The following USP37 variants were observed in gnomAD, a reference collection of about 807,000 sequenced individuals.
USP37 encodes the protein ubiquitin specific peptidase 37.
USP37 carries 27 observed loss-of-function variants against 124.0 expected under a neutral mutation model. That is an observed-to-expected ratio of 0.22 (90% CI 0.16 to 0.30). The LOEUF (loss-of-function observed/expected upper bound fraction) is 0.30. USP37 is among the 10% of genes least tolerant of loss of function. USP37 has a pLI of 1.00. For missense variants in USP37, 889 were observed against 1,140.4 expected, an observed-to-expected ratio of 0.78 and a Z score of 3.17; for synonymous variants, 365 against 388.0, an observed-to-expected ratio of 0.94 and a Z score of 0.70.
At chr2:218,565,663 T>C (rs1693554528) in intron 1 of USP37, among the ~76,000 whole-genome samples, 1 of 152,214 alleles carries the variant, frequency 6.6e-6, no homozygotes, top group Non-Finnish European at 1.5e-5. Context: ...CCAGCTTATT[T>C]AACAAATTAT....
Position 218,475,920 on chromosome 2 carries a change from C to T in USP37, c.2043+920G>A, listed in dbSNP as rs1433962421. ...CAGCCTGGGCAACAGAGTGAGACTC[C>T]GTCTCAAAAAAAAAAAAAGATTATG... On this transcript the variant is annotated intron_variant, in intron 19 of 25. Coordinates refer to ENST00000258399, the MANE Select transcript of USP37 (RefSeq NM_020935.3). Among the ~76,000 whole-genome samples the T allele has an allele frequency of 7.3e-5, 7 of 95,388 alleles. No homozygotes were observed. In the East Asian group the frequency reaches 1.7e-3, roughly 23 times the overall value. The allele number at this position is 95,388 out of a possible 152,430, so 62.6% of individuals were successfully genotyped here.
chr2:218,493,018 A>T (rs951356990), intron 14 of USP37, among the ~76,000 whole-genome samples: 68 of 151,660 alleles, frequency 4.5e-4, no homozygotes, highest in African/African-American at 8.2e-4. Flanking sequence ...AAAAAAAAAA[A>T]ATTTTTTTCC....
In USP37 at chr2:218,564,390, A is replaced by G. The variant is rs560954403; in HGVS notation, c.-229-1577T>C. 7.8e-4 allele frequency among the ~76,000 whole-genome samples: 119 copies of G among 152,348 alleles called. No individual in the cohort carries two copies. The Middle Eastern group carries it at 0.01, about 13-fold the overall frequency. On this transcript the variant is annotated intron_variant, in intron 1 of 25. Transcript: ENST00000258399. The stretch of plus-strand genomic sequence containing the variant: ...CACAGATGAGGAAACTGAGGTTTAG[A>G]GACATTACATAATTTATAAATACAG...
At chr2:218,501,623 T>A (rs1486356522) in intron 11 of USP37, among the ~76,000 whole-genome samples, 1 of 152,214 alleles carries the variant, frequency 6.6e-6, no homozygotes, top group Admixed American at 6.5e-5. Flanking sequence ...AGATTTTCTG[T>A]CTGGAGGCAA....
Position 218,565,066 on chromosome 2 carries a change from C to T in USP37, c.-229-2253G>A, listed in dbSNP as rs144210409. Among the ~76,000 whole-genome samples the T allele has an allele frequency of 4.8e-4, 73 of 152,256 alleles. 1 individual carries two copies. The East Asian group carries it at 0.012, about 25-fold the overall frequency. ...CCTCCCAAGTAGCTAGGACTACAGG[C>T]ACATGCCACCAAACCCGGCTAATTT... On this transcript the variant is annotated intron_variant, in intron 1 of 25. Coordinates refer to ENST00000258399, the MANE Select transcript of USP37 (RefSeq NM_020935.3).
chr2:218,554,836 A>G (rs1692874281), intron 4 of USP37, among the ~76,000 whole-genome samples: 1 of 152,220 alleles, frequency 6.6e-6, no homozygotes, highest in Non-Finnish European at 1.5e-5. Flanking sequence ...GGTAGTTTCA[A>G]TATAAAAGAT....
chr2:218,483,026 T>C (rs953533853), intron 16 of USP37, among the ~76,000 whole-genome samples: 1 of 152,172 alleles, frequency 6.6e-6, no homozygotes, highest in Non-Finnish European at 1.5e-5. Flanking sequence ...AACTGATTCT[T>C]ACCATATATG....
At chr2:218,533,651 A>G (rs940379603) in intron 9 of USP37, among the ~76,000 whole-genome samples, 1 of 152,226 alleles carries the variant, frequency 6.6e-6, no homozygotes, top group Non-Finnish European at 1.5e-5. Context: ...TAAGACTTAC[A>G]TGTGATATTT....
At chr2:218,493,280 A>G (rs2105985843) in intron 14 of USP37, among the ~76,000 whole-genome samples, 2 of 152,284 alleles carry the variant, frequency 1.3e-5, no homozygotes, top group South Asian at 4.1e-4. Context: ...TAATGAAGCA[A>G]CAGAACCCTA....
intron 3 of USP37, among the ~76,000 whole-genome samples, chr2:218,559,771 G>C (rs1693216461): frequency 6.6e-6 from 1 of 152,142 alleles, no homozygotes; most frequent in African/African-American, 2.4e-5. Context: ...GAAGGATGAG[G>C]TGGGCAGACT....
intron 11 of USP37, among the ~76,000 whole-genome samples, chr2:218,507,809 A>G (rs1028195589): frequency 6.6e-6 from 1 of 152,140 alleles, no homozygotes; most frequent in Non-Finnish European, 1.5e-5. Context: ...ATTCTTCTCT[A>G]TAAGTAATGA....
At chr2:218,455,072 G>C in intron 25 of USP37, 55 bp from the exon 26 acceptor site, 9 of 1,596,218 alleles carry the variant, frequency 5.6e-6, no homozygotes, top group Non-Finnish European at 7.7e-6. Context: ...CAGAACCAAA[G>C]AATAGGCAGG....
chr2:218,515,729 G>A (rs1690240776), intron 10 of USP37, among the ~76,000 whole-genome samples: 3 of 152,130 alleles, frequency 2.0e-5, no homozygotes, highest in African/African-American at 7.2e-5. Flanking sequence ...TTTCTGCACA[G>A]CAAAAGAAAC....
chr2:218,458,139 A>G (rs1254630004), intron 23 of USP37, among the ~76,000 whole-genome samples: 1 of 149,652 alleles, frequency 6.7e-6, no homozygotes, highest in Non-Finnish European at 1.5e-5. Context: ...ATAAACTTCG[A>G]TTTAGTAATT....
intron 11 of USP37, among the ~76,000 whole-genome samples, chr2:218,502,681 T>C (rs2105995464): frequency 6.6e-6 from 1 of 152,228 alleles, no homozygotes; most frequent in Admixed American, 6.5e-5. Flanking sequence ...AGAAAAACTG[T>C]CTCAGTGCCT....
At chr2:218,547,859 G>C (rs1321559927) in intron 6 of USP37, among the ~76,000 whole-genome samples, 5 of 152,156 alleles carry the variant, frequency 3.3e-5, no homozygotes, top group South Asian at 4.1e-4. Context: ...GACATGGCAA[G>C]AACACTCAAA....
At chr2:218,519,682 T>C (rs1210095348) in intron 10 of USP37, among the ~76,000 whole-genome samples, 1 of 151,968 alleles carries the variant, frequency 6.6e-6, no homozygotes, top group African/African-American at 2.4e-5. Context: ...TGTCCCAGGC[T>C]GGAGTGCAGT....
At chr2:218,564,175 C>T (rs1161628076) in intron 1 of USP37, among the ~76,000 whole-genome samples, 1 of 152,226 alleles carries the variant, frequency 6.6e-6, no homozygotes, top group Non-Finnish European at 1.5e-5. Context: ...CTCTTATCTA[C>T]TCAAATCCCA....
intron 11 of USP37, among the ~76,000 whole-genome samples, chr2:218,504,311 G>A (rs1395898280): frequency 2.0e-5 from 3 of 152,018 alleles, no homozygotes; most frequent in Admixed American, 6.6e-5. Flanking sequence ...ACTGTTCTAC[G>A]TATATTTCTA....
Sources: gnomAD v4.1 joint callset for allele counts (sites outside exome capture counted in the v4.1 genomes callset) on GRCh38, gnomAD v4.1.1 for gene constraint, MANE v1.5 for transcripts, NCBI Gene and HGNC (gene_info 2026-07-23, HGNC 2026-07-21) for gene names.